The following THOC5 variants were observed in gnomAD, a reference collection of about 807,000 sequenced individuals.
THOC5 encodes THO complex subunit 5.
In THOC5, 43 loss-of-function variants were observed where a neutral mutation model predicts 92.9. The observed-to-expected ratio is 0.46, with a 90% CI of 0.36 to 0.60. THOC5 has a LOEUF of 0.60. Among genes scored for constraint, THOC5 ranks in the 20% least tolerant of loss-of-function variants. THOC5 has a pLI of 0.00. For missense variants in THOC5, 659 were observed against 849.4 expected (o/e 0.78, Z 2.79); for synonymous variants, 296 against 320.1 (o/e 0.92, Z 0.80).
At chr22:29,544,415 T>C in intron 3 of THOC5, 45 bp downstream of exon 3, 1 of 1,589,002 alleles carries the variant, frequency 6.3e-7, no homozygotes, top group Non-Finnish European at 8.6e-7. Flanking sequence ...CAGCCTCATC[T>C]ATGTAAACCC....
chr22:29,533,278 T>TA (rs1385881311), intron 7 of THOC5, among the ~76,000 whole-genome samples: 2 of 152,184 alleles, frequency 1.3e-5, no homozygotes, highest in African/African-American at 4.8e-5. Context: ...AGACTTCTGA[T>TA]AAAGCCACAG....
At chr22:29,552,071 T>C (rs2064163845) in intron 1 of THOC5, among the ~76,000 whole-genome samples, 1 of 151,922 alleles carries the variant, frequency 6.6e-6, no homozygotes, top group African/African-American at 2.4e-5. Context: ...GCAGACGGAG[T>C]CTCGTTCACT....
chr22:29,547,137 C>A (rs1041298053), intron 2 of THOC5, among the ~76,000 whole-genome samples: 5 of 152,052 alleles, frequency 3.3e-5, no homozygotes, highest in Admixed American at 2.0e-4. Flanking sequence ...AGCCACTGCA[C>A]ATGGCCCTGT....
chr22:29,548,998 G>C (rs1433543106), intron 2 of THOC5, 54 bp downstream of exon 2: 1 of 1,570,874 alleles, frequency 6.4e-7, no homozygotes. Context: ...ACAGCCAGGT[G>C]CTTGGCCATG....
intron 8 of THOC5, chr22:29,531,477 C>A (rs548425450): frequency 4.8e-6 from 5 of 1,037,920 alleles, no homozygotes; most frequent in African/African-American, 3.4e-5. Context: ...TCACCAGGCA[C>A]CCCCACCCTG....
rs1345382556 is a variant in THOC5 at position 29,536,746 on chromosome 22, G to C, written c.600-8C>G. 1 of 1,533,322 alleles carries C rather than the reference G, an allele frequency of 6.5e-7. No homozygotes were observed. Among genetic ancestry groups the C allele is most frequent in the Non-Finnish European group, 9.0e-7 (1 of 1,106,384 alleles). 95.0% of individuals were successfully genotyped at this position (1,533,322 alleles called of 1,614,324 possible). A position where few individuals can be genotyped will look rare whatever the true frequency, so the allele number is the denominator to read the frequency against. On this transcript the variant is annotated splice_region_variant and splice_polypyrimidine_tract_variant and intron_variant, in intron 6 of 19. Transcript: ENST00000490103. ...CGGTACTTCTCTGCCAGCCTGTTGG[G>C]GGAGGAAAGAGCATTGTCACCTGAT... is the stretch of plus-strand genomic sequence containing the variant.
intron 8 of THOC5, among the ~76,000 whole-genome samples, chr22:29,530,812 A>C (rs2063638748): frequency 6.6e-6 from 1 of 152,078 alleles, no homozygotes; most frequent in Non-Finnish European, 1.5e-5. Context: ...CTCCATTCTT[A>C]AGGGTACATA....
intron 1 of THOC5, among the ~76,000 whole-genome samples, chr22:29,551,788 C>T (rs1382443911): frequency 7.7e-6 from 1 of 129,194 alleles, no homozygotes; most frequent in African/African-American, 2.8e-5. Flanking sequence ...TAGTAAACCC[C>T]TCCCCCTCCC....
At chr22:29,553,048 C>G (rs955319272) in intron 1 of THOC5, among the ~76,000 whole-genome samples, 8 of 152,112 alleles carry the variant, frequency 5.3e-5, no homozygotes, top group Non-Finnish European at 8.8e-5. Flanking sequence ...CAGCATGCTC[C>G]TTAAGAGTCA....
chr22:29,518,803 T>C (rs2063381371), intron 15 of THOC5, among the ~76,000 whole-genome samples: 2 of 152,232 alleles, frequency 1.3e-5, no homozygotes, highest in South Asian at 2.1e-4. Flanking sequence ...ACAGCACTGA[T>C]GGCTCTAAGG....
At chr22:29,518,234 A>G (rs2063370574) in intron 15 of THOC5, among the ~76,000 whole-genome samples, 1 of 152,048 alleles carries the variant, frequency 6.6e-6, no homozygotes, top group Admixed American at 6.6e-5. Context: ...GAGTTTCACC[A>G]TGTTGGCAGG....
chr22:29,540,191 G>A (rs759288269), intron 5 of THOC5, among the ~76,000 whole-genome samples: 1 of 152,114 alleles, frequency 6.6e-6, no homozygotes, highest in African/African-American at 2.4e-5. Flanking sequence ...AGAATCGCTC[G>A]AACCCAGGAG....
At chr22:29,543,305 G>A (rs2063937745) in intron 4 of THOC5, 124 bp downstream of exon 4, 5 of 621,888 alleles carry the variant, frequency 8.0e-6, no homozygotes, top group Admixed American at 6.7e-5. Context: ...CTGAGATCGT[G>A]CCACTGCACT....
At chr22:29,528,842 T>A in intron 9 of THOC5, 1 of 499,456 alleles carries the variant, frequency 2.0e-6, no homozygotes, top group East Asian at 3.5e-5. Context: ...AGGCTGTATG[T>A]GCATTACCTT....
Position 29,508,528 on chromosome 22 carries a change from A to G in THOC5, c.1989-8T>C, listed in dbSNP as rs1376941250. On this transcript the variant is annotated splice_polypyrimidine_tract_variant and splice_region_variant and intron_variant, in intron 19 of 19. Coordinates refer to ENST00000490103, the MANE Select transcript of THOC5 (RefSeq NM_003678.5). ...TTCATCCTGCTAGGACCCCTAGAGA[A>G]ATAGGAGAACGGAGTTGTTAATAAC... 3 of 1,612,778 alleles carry G rather than the reference A, an allele frequency of 1.9e-6. No individual in the cohort carries two copies. Among genetic ancestry groups the G allele is most frequent in the Non-Finnish European group, 2.5e-6 (3 of 1,178,740 alleles).
intron 17 of THOC5, among the ~76,000 whole-genome samples, chr22:29,515,880 G>C (rs2063324044): frequency 6.6e-6 from 1 of 152,100 alleles, no homozygotes; most frequent in Admixed American, 6.5e-5. Context: ...AGGCATGATG[G>C]CTGATGCCTA....
chr22:29,538,576 T>A (rs1897159630), intron 6 of THOC5, among the ~76,000 whole-genome samples: 2 of 151,428 alleles, frequency 1.3e-5, no homozygotes, highest in Admixed American at 1.3e-4. Flanking sequence ...GGTGGGAGGA[T>A]CACTTGAAGC....
chr22:29,508,387 G>A lies in THOC5; in HGVS notation c.*70C>T. The A allele has an allele frequency of 6.8e-7, 1 of 1,472,568 alleles. No individual in the cohort carries two copies. Among genetic ancestry groups the A allele is most frequent in the Non-Finnish European group, 9.5e-7 (1 of 1,053,824 alleles). 91.2% of individuals were successfully genotyped at this position (1,472,568 alleles called of 1,614,324 possible). A position where few individuals can be genotyped will look rare whatever the true frequency, so the allele number is the denominator to read the frequency against. On this transcript the variant is annotated 3_prime_UTR_variant, in exon 20 of 20. Transcript: ENST00000490103. Reference sequence around the variant, plus strand: ...GGAGAATATCAAGAGTCACATGTGGGCCAGAGCAGAAAGCAGAAGCCCAGT... The same window carrying A: ...GGAGAATATCAAGAGTCACATGTGGACCAGAGCAGAAAGCAGAAGCCCAGT...
chr22:29,539,311 A>T lies in THOC5; in HGVS notation c.599+19T>A. ...ACTGACACTTTGTGGTTAAAAGGTC[A>T]GGAAGGAGGAAATGCTACCTTTTCC... On this transcript the variant is annotated intron_variant, in intron 6 of 19. Transcript: ENST00000490103. 6.2e-7 allele frequency: 1 copy of T among 1,611,716 alleles called. No homozygotes were observed. The highest frequency in any genetic ancestry group is 8.5e-7 in the Non-Finnish European group (1 of 1,178,572).
Sources: gnomAD v4.1 joint callset for allele counts (sites outside exome capture counted in the v4.1 genomes callset) on GRCh38, gnomAD v4.1.1 for gene constraint, MANE v1.5 for transcripts, NCBI Gene and HGNC (gene_info 2026-07-23, HGNC 2026-07-21) for gene names.